Variants in TMEM198 observed in about 807,000 individuals in gnomAD.
The protein encoded by TMEM198 is transmembrane protein 198.
A neutral mutation model predicts 31.5 loss-of-function variants in TMEM198; 21 were observed. The ratio of observed to expected loss-of-function variants is 0.67; its 90% confidence interval spans 0.47 to 0.96. The LOEUF is 0.96. Ranked by LOEUF, TMEM198 falls within the 40% of genes least tolerant of loss-of-function variation. The pLI, the probability that TMEM198 is intolerant of heterozygous loss-of-function variation, is 0.00. For missense variants in TMEM198, 447 were observed against 499.4 expected, an observed-to-expected ratio of 0.89 and a Z score of 1.00; for synonymous variants, 211 against 223.3, an observed-to-expected ratio of 0.95 and a Z score of 0.49.
intron 2 of TMEM198, 42 bp from the exon 3 acceptor site, chr2:219,547,464 T>G: frequency 7.2e-7 from 1 of 1,389,174 alleles, no homozygotes; most frequent in South Asian, 2.1e-5. Flanking sequence ...TCCAGCCTGG[T>G]GCCCTCATCT....
At chr2:219,544,998 TCTTC>T (rs1684551356) in intron 2 of TMEM198, 105 bp downstream of exon 2, 3 of 1,330,572 alleles carry the variant, frequency 2.3e-6, no homozygotes, top group South Asian at 1.4e-5. Flanking sequence ...CATGAATAAT[TCTTC>T]CTTTTCTTTC....
chr2:219,545,017 C>G (rs1695363655), intron 2 of TMEM198, 124 bp downstream of exon 2: 1 of 1,239,238 alleles, frequency 8.1e-7, no homozygotes, highest in Non-Finnish European at 1.1e-6. Flanking sequence ...TCTTTCATCC[C>G]ACACATTTAT....
At position 219,549,700 on chromosome 2, in the gene TMEM198, T is replaced by C. The variant is rs765865605; in HGVS notation, c.946-17T>C. The C allele has an allele frequency of 9.3e-6, 15 of 1,612,350 alleles. No homozygotes were observed. The highest frequency in any genetic ancestry group is 4.4e-5 in the South Asian group (4 of 91,048). On this transcript the variant is annotated splice_polypyrimidine_tract_variant and intron_variant, in intron 4 of 4. Transcript: ENST00000373883. ...GATTCTGCGGTGGGACTCACACCTA[T>C]GTTTGCTCCCCCACAGAGCTATATC... is the stretch of plus-strand genomic sequence containing the variant.
rs759054005 is a variant in TMEM198, at chr2:219,547,825, G to A, written c.486G>A (p.Leu162=). Reference sequence around the variant, plus strand: ...TGGGGGGCGGCCTGCTCTGTGCCCTGCTCACTCTGCGCTGGCCCCGCCCAC... The same window carrying A: ...TGGGGGGCGGCCTGCTCTGTGCCCTACTCACTCTGCGCTGGCCCCGCCCAC... ...LLLGGGLLCA[L]LTLRWPRPLT... is the part of the protein sequence containing the mutation. Residue 162 remains leucine (L), a synonymous_variant, in exon 3 of 5, where the codon CTG becomes CTA. Coordinates refer to ENST00000373883, the MANE Select transcript of TMEM198 (RefSeq NM_001005209.3). The A allele has an allele frequency of 6.3e-7, 1 of 1,590,702 alleles. No individual in the cohort carries two copies. The highest frequency in any genetic ancestry group is 8.5e-7 in the Non-Finnish European group (1 of 1,174,600).
rs757055985 is a variant in TMEM198, at chr2:219,547,901, G to A, written c.562G>A (p.Ala188Thr). Residue 188 changes from alanine to threonine, a missense_variant, in exon 3 of 5, where the codon GCT (alanine) becomes ACT (threonine). Transcript: ENST00000373883. ...TGGTGCTGCGCTGATCGCCACTGCCGCTGACTACTTCGCCGAGCTGCTACT... is the reference window on the plus strand; with the variant it reads ...TGGTGCTGCGCTGATCGCCACTGCCACTGACTACTTCGCCGAGCTGCTACT... The part of the protein sequence containing the change: ...VTGAALIATA[A>T]DYFAELLLLG... 80 of 1,596,046 alleles carry A rather than the reference G, an allele frequency of 5.0e-5. No individual in the cohort carries two copies. The highest frequency in any genetic ancestry group is 3.4e-4 in the Middle Eastern group (2 of 5,948).
In TMEM198 at chr2:219,547,618, G is replaced by A; in HGVS notation, c.279G>A (p.Gly93=). ...ERVLETQLSA[G]ASAGIALGIG... is the part of the protein sequence containing the mutation. ...TGCTAGAGACACAGCTGAGTGCTGGGGCGAGCGCGGGCATCGCTCTGGGCA... is the reference window on the plus strand; with the variant it reads ...TGCTAGAGACACAGCTGAGTGCTGGAGCGAGCGCGGGCATCGCTCTGGGCA... Residue 93 remains glycine, a synonymous_variant, in exon 3 of 5, where the codon GGG becomes GGA. Coordinates refer to ENST00000373883, the MANE Select transcript of TMEM198 (RefSeq NM_001005209.3). 6.6e-7 allele frequency: 1 copy of A among 1,512,708 alleles called. No homozygotes were observed. The highest frequency in any genetic ancestry group is 1.9e-4 in the Middle Eastern group (1 of 5,300). 93.7% of individuals were successfully genotyped at this position (1,512,708 alleles called of 1,614,324 possible). A position where few individuals can be genotyped will look rare whatever the true frequency, so the allele number is the denominator to read the frequency against.
At position 219,549,187 on chromosome 2, in the gene TMEM198, A is replaced by T; in HGVS notation, c.778A>T (p.Met260Leu). Residue 260 changes from methionine to leucine, a missense_variant, in exon 4 of 5, where the codon ATG becomes TTG. By Grantham distance (15) the Met-to-Leu change is conservative (BLOSUM62 2). Transcript: ENST00000373883. ...ISRQRRRVQLMRIRQQEDRKE... is the reference protein window; with the variant it reads ...ISRQRRRVQLLRIRQQEDRKE... ...CCGGCAGCGCCGACGCGTGCAACTG[A>T]TGCGGATTCGGCAGCAGGAAGATCG... 1 of 1,613,992 alleles carries T rather than the reference A, an allele frequency of 6.2e-7. No homozygotes were observed. Among genetic ancestry groups the T allele is most frequent in the Non-Finnish European group, 8.5e-7 (1 of 1,180,028 alleles).
chr2:219,545,799 G>C (rs1026502290), intron 2 of TMEM198, among the ~76,000 whole-genome samples: 2 of 152,142 alleles, frequency 1.3e-5, no homozygotes, highest in African/African-American at 4.8e-5. Flanking sequence ...AGCAGAGGTA[G>C]TGCAAGACTT....
At chr2:219,548,302 G>A (rs1281984955) in intron 3 of TMEM198, among the ~76,000 whole-genome samples, 1 of 152,244 alleles carries the variant, frequency 6.6e-6, no homozygotes, top group East Asian at 1.9e-4. Context: ...AGGCACCAGG[G>A]ATACAGCAGA....
intron 2 of TMEM198, 111 bp from the exon 3 acceptor site, chr2:219,547,395 G>T (rs866298608): frequency 5.9e-5 from 50 of 849,030 alleles, no homozygotes; most frequent in South Asian, 4.4e-4. Flanking sequence ...TCTGATCTTA[G>T]TGTCTTTGTC....
At chr2:219,545,501 G>A (rs1315503100) in intron 2 of TMEM198, among the ~76,000 whole-genome samples, 1 of 152,244 alleles carries the variant, frequency 6.6e-6, no homozygotes, top group African/African-American at 2.4e-5. Context: ...GAGTGGGCAA[G>A]TGGGGGCTAA....
At chr2:219,547,393 T>C in intron 2 of TMEM198, 113 bp from the exon 3 acceptor site, 1 of 835,590 alleles carries the variant, frequency 1.2e-6, no homozygotes. Flanking sequence ...TCTCTGATCT[T>C]AGTGTCTTTG....
In TMEM198 at chr2:219,548,044, G is replaced by T; in HGVS notation, c.705G>T (p.Gln235His). The T allele has an allele frequency of 6.3e-7, 1 of 1,581,316 alleles. No homozygotes were observed. The highest frequency in any genetic ancestry group is 2.3e-5 in the East Asian group (1 of 44,276). The change falls in exon 3 of 5, where the codon CAG (glutamine) becomes CAT (histidine). Residue 235 changes from glutamine (Q) to histidine (H), a missense_variant. By Grantham distance (24) the Gln-to-His change is conservative. Transcript: ENST00000373883. ...TCAGCCTGATGGGCGTTCTGGTGCAGTGGAGGGTGACAGCTGAGGGGGACT... is the reference window on the plus strand; with the variant it reads ...TCAGCCTGATGGGCGTTCTGGTGCATTGGAGGGTGACAGCTGAGGGGGACT... ...PLLSLMGVLV[Q>H]WRVTAEGDSH...
Position 219,547,980 on chromosome 2 carries a change from G to T in TMEM198, c.641G>T (p.Cys214Phe). ...CGGGCTGCTCCTGTGCCCCCACTCT[G>T]CTGGCGAAGCTGGGCCCTGCTGGCA... ...RLRAAPVPPL[C>F]WRSWALLALW... Residue 214 changes from cysteine (C) to phenylalanine (F), a missense_variant, in exon 3 of 5, where the codon TGC (cysteine) becomes TTC (phenylalanine). Physicochemically the swap from Cys to Phe is radical, Grantham distance 205. Coordinates refer to ENST00000373883, the MANE Select transcript of TMEM198 (RefSeq NM_001005209.3). The T allele has an allele frequency of 6.3e-7, 1 of 1,585,078 alleles. No homozygotes were observed.
In TMEM198 at chr2:219,549,220, A is replaced by G; in HGVS notation, c.811A>G (p.Lys271Glu). 7 of 1,613,960 alleles carry G rather than the reference A, an allele frequency of 4.3e-6. No individual in the cohort carries two copies. The highest frequency in any genetic ancestry group is 5.9e-6 in the Non-Finnish European group (7 of 1,180,020). ...TCGGCAGCAGGAAGATCGCAAGGAGAAAAGGCGGAAAAAGAGACCTCCTCG... is the reference window on the plus strand; with the variant it reads ...TCGGCAGCAGGAAGATCGCAAGGAGGAAAGGCGGAAAAAGAGACCTCCTCG... ...RIRQQEDRKEKRRKKRPPRAP... is the reference protein window; with the variant it reads ...RIRQQEDRKEERRKKRPPRAP... The change falls in exon 4 of 5, where the codon AAA becomes GAA. Residue 271 changes from lysine (K) to glutamate (E), a missense_variant. Lys to Glu is a moderately conservative substitution (Grantham distance 56). Transcript: ENST00000373883.
At chr2:219,544,943 GTTC>G (rs1237434355) in intron 2 of TMEM198, 50 bp downstream of exon 2, 1 of 1,595,808 alleles carries the variant, frequency 6.3e-7, no homozygotes, top group African/African-American at 1.3e-5. Flanking sequence ...GTTTCCCCGA[GTTC>G]TTTTTCTGGG....
chr2:219,545,833 A>G (rs1369016037), intron 2 of TMEM198, among the ~76,000 whole-genome samples: 1 of 152,080 alleles, frequency 6.6e-6, no homozygotes, highest in Non-Finnish European at 1.5e-5. Context: ...TCCCCCTGCA[A>G]TGGGTGGGTA....
In TMEM198 at chr2:219,549,900, CGAG is replaced by C. The variant is rs1559129221; in HGVS notation, c.*51_*53del. ...TCTGCAGTCACCAGCTCTGCCAGCT[CGAG>C]GAGGCCTGCTAGGCTGCCACTCAGC... On this transcript the variant is annotated 3_prime_UTR_variant, in exon 5 of 5. Transcript: ENST00000373883. 3 of 1,591,414 alleles carry C rather than the reference CGAG, an allele frequency of 1.9e-6. No homozygotes were observed. Among genetic ancestry groups the C allele is most frequent in the Admixed American group, 3.4e-5 (2 of 59,144 alleles).
Position 219,549,272 on chromosome 2 carries a change from C to T in TMEM198, c.863C>T (p.Pro288Leu), listed in dbSNP as rs752099980. The T allele has an allele frequency of 6.8e-6, 11 of 1,613,960 alleles. No homozygotes were observed. Among genetic ancestry groups the T allele is most frequent in the Non-Finnish European group, 9.3e-6 (11 of 1,180,040 alleles). Residue 288 changes from proline to leucine, a missense_variant, in exon 4 of 5, where the codon CCT (proline) becomes CTT (leucine). Transcript: ENST00000373883. ...PRAPLRGPRA[P>L]PRPGPPDPAY... ...GCTCCCCTCAGAGGTCCCCGGGCTC[C>T]TCCCAGGCCTGGGCCACCAGACCCT...
Sources: allele counts gnomAD v4.1 joint callset (sites outside exome capture counted in the v4.1 genomes callset), GRCh38; gene constraint gnomAD v4.1.1; transcripts MANE v1.5; gene names NCBI Gene and HGNC (gene_info 2026-07-23, HGNC 2026-07-21).